DCLK2: variants seen among roughly 807,000 people sequenced by gnomAD.
DCLK2 encodes the protein doublecortin like kinase 2.
A neutral mutation model predicts 78.4 loss-of-function variants in DCLK2; 31 were observed. The observed-to-expected ratio is 0.40, with a 90% CI of 0.30 to 0.53. The LOEUF is 0.53. Ranked by LOEUF, DCLK2 falls within the 20% of genes least tolerant of loss-of-function variation. The pLI, the probability that DCLK2 is intolerant of heterozygous loss-of-function variation, is 0.61. For missense variants in DCLK2, 872 were observed against 973.7 expected (o/e 0.90, Z 1.39); for synonymous variants, 407 against 374.9 (o/e 1.09, Z -0.99).
At chr4:150,124,945 A>G (rs1415674329) in intron 2 of DCLK2, among the ~76,000 whole-genome samples, 33 of 152,244 alleles carry the variant, frequency 2.2e-4, no homozygotes. Flanking sequence ...GAGTCCAGAA[A>G]ATACAAATTA....
intron 2 of DCLK2, among the ~76,000 whole-genome samples, chr4:150,109,588 C>T (rs561450407): frequency 2.6e-5 from 4 of 152,280 alleles, no homozygotes; most frequent in South Asian, 2.1e-4. Flanking sequence ...CCGCCCGCCT[C>T]GGCCTCCCAA....
At chr4:150,209,462 TA>T (rs1662136443) in intron 5 of DCLK2, among the ~76,000 whole-genome samples, 2 of 152,252 alleles carry the variant, frequency 1.3e-5, no homozygotes, top group African/African-American at 4.8e-5. Flanking sequence ...GACTCTGGTT[TA>T]TTTTCCTTTT....
rs1170539655 is a variant in DCLK2, at chr4:150,196,130, C to T, written c.860-1872C>T. Among the ~76,000 whole-genome samples, 3 of 152,016 alleles carry T rather than the reference C, an allele frequency of 2.0e-5. No individual in the cohort carries two copies. In the East Asian group the frequency reaches 5.8e-4, roughly 29 times the overall value. ...GAGGTCCCAACTCTCTGCTTTTAGG[C>T]TTCTAATAACATCTTGTGTTAAAGG... is the stretch of plus-strand genomic sequence containing the variant. On this transcript the variant is annotated intron_variant, in intron 3 of 15. Coordinates refer to ENST00000296550, the MANE Select transcript of DCLK2 (RefSeq NM_001040260.4).
At chr4:150,085,392 T>TGGTGGAAG (rs1474944672) in intron 1 of DCLK2, among the ~76,000 whole-genome samples, 1 of 152,162 alleles carries the variant, frequency 6.6e-6, no homozygotes, top group Non-Finnish European at 1.5e-5. Context: ...GGTCATCCCA[T>TGGTGGAAG]GGTGGAAGGG....
chr4:150,132,139 T>A (rs980992919), intron 2 of DCLK2, among the ~76,000 whole-genome samples: 3 of 151,656 alleles, frequency 2.0e-5, no homozygotes, highest in African/African-American at 7.3e-5. Flanking sequence ...AGAAAGGGCA[T>A]GCAAGTTGGC....
intron 2 of DCLK2, among the ~76,000 whole-genome samples, chr4:150,150,204 G>A (rs1047417946): frequency 2.0e-4 from 31 of 152,128 alleles, no homozygotes; most frequent in African/African-American, 6.3e-4. Flanking sequence ...ATAAAGTATC[G>A]TATACTACTG....
At chr4:150,135,851 G>A (rs1733649494) in intron 2 of DCLK2, among the ~76,000 whole-genome samples, 2 of 152,186 alleles carry the variant, frequency 1.3e-5, no homozygotes, top group Non-Finnish European at 2.9e-5. Context: ...TAGGAAGAAA[G>A]CTCTATTAAC....
chr4:150,111,965 G>A (rs10024397), intron 2 of DCLK2, among the ~76,000 whole-genome samples: 2,439 of 151,886 alleles, frequency 0.016, 122 homozygotes, highest in Admixed American at 0.057. Flanking sequence ...TTTTGGTTCC[G>A]TATGAATTTT....
chr4:150,251,246 TCCCCCACACCCCACACA>T lies in DCLK2; in HGVS notation c.2073+1563_2073+1579del, dbSNP rs1213155256. On this transcript the variant is annotated intron_variant, in intron 15 of 15. Transcript: ENST00000296550. ...CACACATCCCCCACACCCCCACACA[TCCCCCACACCCCACACA>T]TCCCCCACACCCCCCACACCACACA... Among the ~76,000 whole-genome samples the T allele has an allele frequency of 2.4e-3, 6 of 2,468 alleles. 3 individuals are homozygous for T. The highest frequency in any genetic ancestry group is 1.3e-3 in the Non-Finnish European group (2 of 1,500). The allele number at this position is 2,468 out of a possible 152,430, so 1.6% of individuals were successfully genotyped here. A position where few individuals can be genotyped will look rare whatever the true frequency, so the allele number is the denominator to read the frequency against.
intron 12 of DCLK2, among the ~76,000 whole-genome samples, chr4:150,242,166 T>C (rs1742975364): frequency 6.6e-6 from 1 of 152,216 alleles, no homozygotes; most frequent in African/African-American, 2.4e-5. Context: ...CTGACAGATG[T>C]TAGTCTCTAC....
intron 2 of DCLK2, among the ~76,000 whole-genome samples, chr4:150,181,682 C>A (rs1462580365): frequency 6.6e-6 from 1 of 151,908 alleles, no homozygotes; most frequent in Non-Finnish European, 1.5e-5. Context: ...TTGAGAAGCC[C>A]TTTACTGTAA....
intron 10 of DCLK2, among the ~76,000 whole-genome samples, chr4:150,236,798 A>G (rs1361523628): frequency 2.6e-5 from 4 of 152,204 alleles, no homozygotes; most frequent in African/African-American, 4.8e-5. Flanking sequence ...ATATGACTTC[A>G]GGCTTGTCTA....
At chr4:150,133,633 T>A (rs1733484392) in intron 2 of DCLK2, among the ~76,000 whole-genome samples, 1 of 152,252 alleles carries the variant, frequency 6.6e-6, no homozygotes, top group Non-Finnish European at 1.5e-5. Flanking sequence ...TGGAAAAAGT[T>A]CCTGTGTCAA....
chr4:150,253,522 G>C (rs189143621), intron 15 of DCLK2: 2 of 1,289,616 alleles, frequency 1.6e-6, no homozygotes, highest in South Asian at 2.5e-5. Context: ...TCTTTACCCC[G>C]CTGAGACAGT....
intron 1 of DCLK2, among the ~76,000 whole-genome samples, chr4:150,096,173 A>C (rs1047248979): frequency 1.3e-5 from 2 of 152,206 alleles, no homozygotes; most frequent in Non-Finnish European, 2.9e-5. Flanking sequence ...GTTTAGACCA[A>C]AGTCAACCGT....
chr4:150,100,449 CTT>C (rs781752227), intron 1 of DCLK2, among the ~76,000 whole-genome samples: 8 of 152,124 alleles, frequency 5.3e-5, no homozygotes, highest in African/African-American at 7.2e-5. Context: ...GAAATCTGCT[CTT>C]GTTTTGTTTC....
chr4:150,232,497 A>G (rs1255108378), intron 9 of DCLK2, 41 bp downstream of exon 9: 38 of 1,605,232 alleles, frequency 2.4e-5, no homozygotes, highest in East Asian at 4.5e-5. Flanking sequence ...TAGTCCCACA[A>G]TTTACAACAT....
intron 10 of DCLK2, among the ~76,000 whole-genome samples, chr4:150,234,186 A>G (rs540976109): frequency 1.3e-5 from 2 of 152,298 alleles, no homozygotes; most frequent in East Asian, 1.9e-4. Context: ...TAAACCATTC[A>G]TCTTGTAATA....
intron 3 of DCLK2, among the ~76,000 whole-genome samples, chr4:150,194,851 A>G (rs1738744745): frequency 6.6e-6 from 1 of 151,938 alleles, no homozygotes; most frequent in South Asian, 2.1e-4. Flanking sequence ...TAAAATTTTG[A>G]GAGGATACAT....
Sources: gnomAD v4.1 joint callset for allele counts (sites outside exome capture counted in the v4.1 genomes callset) on GRCh38, gnomAD v4.1.1 for gene constraint, MANE v1.5 for transcripts, NCBI Gene and HGNC (gene_info 2026-07-23, HGNC 2026-07-21) for gene names.